The following DCUN1D3 variants were observed in gnomAD, a reference collection of about 807,000 sequenced individuals.
The protein encoded by DCUN1D3 is DCN1-like protein 3.
In DCUN1D3, 6 loss-of-function variants were observed where a neutral mutation model predicts 24.8. That is an observed-to-expected ratio of 0.24 (90% CI 0.13 to 0.48). The LOEUF (loss-of-function observed/expected upper bound fraction) is 0.48, where lower values mean the gene tolerates loss of function less well. Ranked by LOEUF, DCUN1D3 falls within the 20% of genes least tolerant of loss-of-function variation. The probability of loss-of-function intolerance (pLI) is 0.99; values close to 1 mark genes in which losing one functional copy is unlikely to be tolerated. For synonymous variants in DCUN1D3, 120 were observed against 144.9 expected (o/e 0.83, Z 1.24); for missense variants, 258 against 379.4 (o/e 0.68, Z 2.66).
chr16:20,894,827 C>T (rs1349295799), intron 1 of DCUN1D3, among the ~76,000 whole-genome samples: 1 of 152,182 alleles, frequency 6.6e-6, no homozygotes, highest in Non-Finnish European at 1.5e-5. Context: ...CATTTGCACA[C>T]ATCTTAAAGA....
In DCUN1D3 at chr16:20,858,935, G is replaced by A. The variant is rs2081715401; in HGVS notation, c.*951C>T. On this transcript the variant is annotated 3_prime_UTR_variant, in exon 3 of 3. Coordinates refer to ENST00000324344, the MANE Select transcript of DCUN1D3 (RefSeq NM_173475.4). ...GGCAGTTTCCCGACCACCAGGAACA[G>A]AAACTTTGGCTCCAAGGCAAATGAA... 7.0e-6 allele frequency: 1 copy of A among 143,000 alleles called. No homozygotes were observed. Among genetic ancestry groups the A allele is most frequent in the African/African-American group, 2.6e-5 (1 of 38,136 alleles). The allele number at this position is 143,000 out of a possible 1,614,324, so 8.9% of individuals were successfully genotyped here.
chr16:20,889,241 A>AAT (rs2152518729), intron 1 of DCUN1D3, among the ~76,000 whole-genome samples: 1 of 151,660 alleles, frequency 6.6e-6, no homozygotes, highest in Non-Finnish European at 1.5e-5. Flanking sequence ...AAAAAAAAAA[A>AAT]ATTAGCCAGG....
At chr16:20,865,280 A>C (rs2152516352) in intron 1 of DCUN1D3, among the ~76,000 whole-genome samples, 1 of 152,340 alleles carries the variant, frequency 6.6e-6, no homozygotes, top group East Asian at 1.9e-4. Flanking sequence ...TACAATCTTT[A>C]AATGGTAGGA....
At chr16:20,895,055 T>A (rs1005157896) in intron 1 of DCUN1D3, among the ~76,000 whole-genome samples, 3 of 152,218 alleles carry the variant, frequency 2.0e-5, no homozygotes, top group Admixed American at 2.0e-4. Flanking sequence ...ATGAATTTTT[T>A]AAAATACAGC....
intron 1 of DCUN1D3, chr16:20,896,456 T>C (rs2081916309): frequency 6.6e-6 from 1 of 152,132 alleles, no homozygotes; most frequent in African/African-American, 2.4e-5. Flanking sequence ...TCCAATCCAC[T>C]TAAATTTGTG....
In DCUN1D3 at chr16:20,862,555, C is replaced by A. The variant is rs925236641; in HGVS notation, c.-17G>T. ...CTGGCCCATGGTGCTGGTGGCCTGG[C>A]CTCTAGAGTGGACCCCTCTGGATTG... On this transcript the variant is annotated 5_prime_UTR_variant, in exon 2 of 3. Coordinates refer to ENST00000324344, the MANE Select transcript of DCUN1D3 (RefSeq NM_173475.4). The A allele has an allele frequency of 1.3e-6, 2 of 1,590,230 alleles. No homozygotes were observed. Among genetic ancestry groups the A allele is most frequent in the Non-Finnish European group, 1.7e-6 (2 of 1,174,514 alleles).
Position 20,860,338 on chromosome 16 carries a change from T to C in DCUN1D3, c.463A>G (p.Ser155Gly), listed in dbSNP as rs368597287. 2 of 1,613,336 alleles carry C rather than the reference T, an allele frequency of 1.2e-6. No individual in the cohort carries two copies. Among genetic ancestry groups the C allele is most frequent in the South Asian group, 1.1e-5 (1 of 91,024 alleles). ...CAGATTCCGTCAATGCTGTCTGCAC[T>C]TATTGCTTTGCAGCCATCAAAAAAC... ...KEFFDGCKAISADSIDGICAR... is the reference protein window; with the variant it reads ...KEFFDGCKAIGADSIDGICAR... Residue 155 changes from serine to glycine, a missense_variant, in exon 3 of 3, where the codon AGT becomes GGT. By Grantham distance (56) the Ser-to-Gly change is moderately conservative. Transcript: ENST00000324344. This position sits in a 1 kb window ranked among gnomAD's most constrained non-coding sequence, Gnocchi z 4.3.
At chr16:20,863,110 C>A (rs954974420) in intron 1 of DCUN1D3, among the ~76,000 whole-genome samples, 2 of 152,150 alleles carry the variant, frequency 1.3e-5, no homozygotes, top group Non-Finnish European at 2.9e-5. Context: ...ATATTCAGAA[C>A]AATAGTCTCA....
chr16:20,860,308 G>A lies in DCUN1D3; in HGVS notation c.493C>T (p.Arg165Trp), dbSNP rs2081725142. ...GCTTCTGTTAAGAGGCTAGGGAACCGTGCACAGATTCCGTCAATGCTGTCT... is the reference window on the plus strand; with the variant it reads ...GCTTCTGTTAAGAGGCTAGGGAACCATGCACAGATTCCGTCAATGCTGTCT... Reference protein sequence around the residue: ...SADSIDGICARFPSLLTEAKQ... With the variant: ...SADSIDGICAWFPSLLTEAKQ... Residue 165 changes from arginine to tryptophan, a missense_variant, in exon 3 of 3, where the codon CGG becomes TGG. Transcript: ENST00000324344. The surrounding 1 kb of genome is among the most constrained non-coding windows in gnomAD (Gnocchi z 4.3). The A allele has an allele frequency of 6.2e-7, 1 of 1,614,140 alleles. No individual in the cohort carries two copies. Among genetic ancestry groups the A allele is most frequent in the Non-Finnish European group, 8.5e-7 (1 of 1,180,012 alleles).
At position 20,855,112 on chromosome 16, in the gene DCUN1D3, A is replaced by C. The variant is rs1241208590; in HGVS notation, c.*4774T>G. The stretch of plus-strand genomic sequence containing the variant: ...AAGTATTAACTTTTGTCAAGTTTGT[A>C]CAACCTCAACAAACAGACACACTGG... On this transcript the variant is annotated 3_prime_UTR_variant, in exon 3 of 3. Coordinates refer to ENST00000324344, the MANE Select transcript of DCUN1D3 (RefSeq NM_173475.4). 3.3e-5 allele frequency: 5 copies of C among 152,462 alleles called. No homozygotes were observed. The highest frequency in any genetic ancestry group is 7.3e-5 in the Non-Finnish European group (5 of 68,030). 9.4% of individuals were successfully genotyped at this position (152,462 alleles called of 1,614,324 possible).
chr16:20,894,458 A>G (rs1409929120), intron 1 of DCUN1D3, among the ~76,000 whole-genome samples: 2 of 152,146 alleles, frequency 1.3e-5, no homozygotes, highest in East Asian at 3.8e-4. Context: ...CCTGGTATGA[A>G]TCTGCAGGCC....
At chr16:20,897,464 C>T (rs2152519573) in intron 1 of DCUN1D3, among the ~76,000 whole-genome samples, 1 of 152,248 alleles carries the variant, frequency 6.6e-6, no homozygotes, top group South Asian at 2.1e-4. Context: ...ACTTTTAGTA[C>T]CAACCTACAC....
chr16:20,897,777 C>A (rs774734964), intron 1 of DCUN1D3, among the ~76,000 whole-genome samples: 1 of 152,156 alleles, frequency 6.6e-6, no homozygotes, highest in Non-Finnish European at 1.5e-5. Flanking sequence ...AATCTGAACA[C>A]CCAGCTTGAA....
rs2081718412 is a variant in DCUN1D3 at position 20,859,541 on chromosome 16, AAAAAAAAAAAAAAAAAAAC to A, written c.*326_*344del. The A allele has an allele frequency of 9.7e-6, 1 of 102,770 alleles. No homozygotes were observed. Among genetic ancestry groups the A allele is most frequent in the African/African-American group, 5.7e-5 (1 of 17,448 alleles). 6.4% of individuals were successfully genotyped at this position (102,770 alleles called of 1,614,324 possible). A position where few individuals can be genotyped will look rare whatever the true frequency, so the allele number is the denominator to read the frequency against. On this transcript the variant is annotated 3_prime_UTR_variant, in exon 3 of 3. Coordinates refer to ENST00000324344, the MANE Select transcript of DCUN1D3 (RefSeq NM_173475.4). The stretch of plus-strand genomic sequence containing the variant: ...GCCCTGCTCTATGCCCTCCCCTACC[AAAAAAAAAAAAAAAAAAAC>A]AAAAAAAAACAAAAAAAAAACCTAA...
intron 1 of DCUN1D3, among the ~76,000 whole-genome samples, chr16:20,882,983 G>A (rs1265235377): frequency 6.9e-6 from 1 of 145,752 alleles, no homozygotes; most frequent in African/African-American, 2.6e-5. Flanking sequence ...TACAGGTTGA[G>A]TATCCCTTAT....
chr16:20,873,708 C>T (rs1436749188), intron 1 of DCUN1D3, among the ~76,000 whole-genome samples: 1 of 152,208 alleles, frequency 6.6e-6, no homozygotes, highest in Non-Finnish European at 1.5e-5. Context: ...CAAGGCCTCA[C>T]ATGCCCCTGG....
chr16:20,892,706 C>T (rs2081897568), intron 1 of DCUN1D3, among the ~76,000 whole-genome samples: 1 of 151,980 alleles, frequency 6.6e-6, no homozygotes, highest in Admixed American at 6.6e-5. Flanking sequence ...AACAGGCCCA[C>T]TTGCTTATCT....
chr16:20,896,705 G>A (rs997302636), intron 1 of DCUN1D3, among the ~76,000 whole-genome samples: 10 of 152,172 alleles, frequency 6.6e-5, no homozygotes, highest in African/African-American at 2.4e-4. Context: ...TTTATGCCAA[G>A]CATCAGCATA....
In DCUN1D3 at chr16:20,897,265, T is replaced by A. The variant is rs570416474; in HGVS notation, c.-106+2939A>T. ...CTCAAGAGGGCCAAATCAAGGAGTC[T>A]TGATTGGGCCTCTCAAGTGGACGGT... On this transcript the variant is annotated intron_variant, in intron 1 of 2. Coordinates refer to ENST00000324344, the MANE Select transcript of DCUN1D3 (RefSeq NM_173475.4). Among the ~76,000 whole-genome samples the A allele has an allele frequency of 2.0e-5, 3 of 152,346 alleles. No individual in the cohort carries two copies. In the East Asian group the frequency reaches 5.8e-4, roughly 29 times the overall value.
Sources: gnomAD v4.1 joint callset for allele counts (sites outside exome capture counted in the v4.1 genomes callset) on GRCh38, gnomAD v4.1.1 for gene constraint, Gnocchi (gnomAD v3.1) non-coding constraint, MANE v1.5 for transcripts, NCBI Gene and HGNC (gene_info 2026-07-23, HGNC 2026-07-21) for gene names.